Variants in SNAPC4 observed in about 807,000 individuals in gnomAD.
SNAPC4 encodes snRNA-activating protein complex subunit 4.
In SNAPC4, 127 loss-of-function variants were observed where a neutral mutation model predicts 151.3. That is an observed-to-expected ratio of 0.84 (90% CI 0.73 to 0.97). SNAPC4 has a LOEUF of 0.97. SNAPC4 is among the 50% of genes least tolerant of loss of function. SNAPC4 has a pLI of 0.00. For missense variants in SNAPC4, 2,186 were observed against 1,935.0 expected, an observed-to-expected ratio of 1.13 and a Z score of -2.43; for synonymous variants, 1,002 against 824.4, an observed-to-expected ratio of 1.22 and a Z score of -3.69.
rs200345095 is a variant in SNAPC4, at chr9:136,377,785, G to C, written c.4042C>G (p.Leu1348Val). 1.4e-5 allele frequency: 22 copies of C among 1,611,960 alleles called. No homozygotes were observed. The East Asian group carries it at 4.9e-4, about 36-fold the overall frequency. Residue 1348 changes from leucine (L) to valine (V), a missense_variant, in exon 22 of 24, where the codon CTG (leucine) becomes GTG (valine). By Grantham distance (32) the Leu-to-Val change is conservative (BLOSUM62 1). Transcript: ENST00000684778. ...ERPAGALQAS[L>V]GLVRGQLQDN... ...TGGAGCTGCCCCCGCACCAGCCCCA[G>C]TGAGGCTTGCAGTGCTCCGGCCGGC...
chr9:136,380,024 C>T (rs981190849), intron 20 of SNAPC4, among the ~76,000 whole-genome samples, 160 bp from the exon 21 acceptor site: 1 of 152,202 alleles, frequency 6.6e-6, no homozygotes, highest in African/African-American at 2.4e-5. Context: ...ACTCCGGGGC[C>T]ACAGAAGGAG....
rs1384133222 is a variant in SNAPC4, at chr9:136,377,826, C to A, written c.4001G>T (p.Gly1334Val). 1.3e-5 allele frequency: 21 copies of A among 1,611,546 alleles called. No individual in the cohort carries two copies. The highest frequency in any genetic ancestry group is 2.2e-5 in the South Asian group (2 of 91,078). Reference protein sequence around the residue: ...LEHKATSLVVGGEAERPAGAL... With the variant: ...LEHKATSLVVVGEAERPAGAL... ...TCCGGCCGGCCGCTCAGCCTCGCCC[C>A]CCACCACCAGGGAGGTGGCCTTGTG... Residue 1334 changes from glycine (G) to valine (V), a missense_variant, in exon 22 of 24, where the codon GGG becomes GTG. Transcript: ENST00000684778.
In SNAPC4 at chr9:136,393,246, G is replaced by A. The variant is rs538840156; in HGVS notation, c.633-469C>T. Among the ~76,000 whole-genome samples the A allele has an allele frequency of 7.2e-5, 11 of 152,310 alleles. No individual in the cohort carries two copies. In the South Asian group the frequency reaches 2.1e-3, roughly 29 times the overall value. ...CGTCATCACTGCAAACCCTGACCAT[G>A]CACATCAGGCCACGGGGGGCAGGCG... On this transcript the variant is annotated intron_variant, in intron 7 of 23. Transcript: ENST00000684778.
chr9:136,380,928 T>C (rs755631997), intron 19 of SNAPC4, 78 bp from the exon 20 acceptor site: 46 of 844,960 alleles, frequency 5.4e-5, no homozygotes, highest in Non-Finnish European at 8.5e-5. Flanking sequence ...AGGCAGAACC[T>C]GGGGCAGCCC....
chr9:136,382,563 C>A (rs1398260337), intron 16 of SNAPC4, among the ~76,000 whole-genome samples: 1 of 152,220 alleles, frequency 6.6e-6, no homozygotes, highest in Non-Finnish European at 1.5e-5. Context: ...CCCATGCCCC[C>A]CAGCCAGTTC....
chr9:136,399,812 C>G (rs1486766549), intron 1 of SNAPC4, among the ~76,000 whole-genome samples: 1 of 152,236 alleles, frequency 6.6e-6, no homozygotes. Context: ...GGGAAACCCC[C>G]TCCGAGGCTC....
chr9:136,380,829 C>A lies in SNAPC4; in HGVS notation c.2410G>T (p.Gly804Cys). 1 of 1,609,968 alleles carries A rather than the reference C, an allele frequency of 6.2e-7. No homozygotes were observed. The highest frequency in any genetic ancestry group is 8.5e-7 in the Non-Finnish European group (1 of 1,177,252). Reference protein sequence around the residue: ...FTQLFHIDTAGCLEVVRERKA... With the variant: ...FTQLFHIDTACCLEVVRERKA... ...CTCTCTCGGACGACCTCCAAGCAGC[C>A]GGCAGTATCGATGTGGAACAGCTGC... The change falls in exon 20 of 24, where the codon GGC (glycine) becomes TGC (cysteine). Residue 804 changes from glycine to cysteine, a missense_variant. Coordinates refer to ENST00000684778, the MANE Select transcript of SNAPC4 (RefSeq NM_003086.4).
Position 136,392,118 on chromosome 9 carries a change from G to T in SNAPC4, c.811-12C>A. 1.9e-6 allele frequency: 3 copies of T among 1,610,984 alleles called. No individual in the cohort carries two copies. On this transcript the variant is annotated splice_polypyrimidine_tract_variant and intron_variant, in intron 9 of 23. Transcript: ENST00000684778. ...CGGCTGCCTTCAAACTGCACCGACA[G>T]AGACACTCAGCCTTGCAGGCCACTG...
At chr9:136,395,128 CGCAGA>C (rs1469725201) in intron 5 of SNAPC4, among the ~76,000 whole-genome samples, 165 bp downstream of exon 5, 1 of 152,248 alleles carries the variant, frequency 6.6e-6, no homozygotes, top group Non-Finnish European at 1.5e-5. Flanking sequence ...GGCAGCCCAG[CGCAGA>C]GCAGAGGGCA....
Position 136,387,640 on chromosome 9 carries a change from C to A in SNAPC4, c.1231-61G>T. On this transcript the variant is annotated intron_variant, in intron 12 of 23. Transcript: ENST00000684778. ...GCAGGTACGGCTGCAGCCTCCCCACCCTGAACCCAGTCAGAGAAGGGACCA... is the reference window on the plus strand; with the variant it reads ...GCAGGTACGGCTGCAGCCTCCCCACACTGAACCCAGTCAGAGAAGGGACCA... The A allele has an allele frequency of 2.1e-6, 3 of 1,436,192 alleles. No homozygotes were observed. In the South Asian group the frequency reaches 3.4e-5, roughly 16 times the overall value. 89.0% of individuals were successfully genotyped at this position (1,436,192 alleles called of 1,614,324 possible).
chr9:136,381,429 G>T, intron 18 of SNAPC4, 37 bp from the exon 19 acceptor site: 1 of 1,553,334 alleles, frequency 6.4e-7, no homozygotes, highest in Non-Finnish European at 8.9e-7. Context: ...AGCAGCCCCA[G>T]CTCCCATGGG....
chr9:136,376,538 G>A (rs1370597467), intron 22 of SNAPC4, 57 bp from the exon 23 acceptor site: 135 of 1,601,312 alleles, frequency 8.4e-5, no homozygotes, highest in Non-Finnish European at 1.1e-4. Context: ...CATGATGGAC[G>A]GGGAAGGGAC....
At position 136,397,023 on chromosome 9, in the gene SNAPC4, T is replaced by G. The variant is rs753000285; in HGVS notation, c.131A>C (p.Asp44Ala). ...ESSLESDSEADSLPSEDLDPA... is the reference protein window; with the variant it reads ...ESSLESDSEAASLPSEDLDPA... ...ATCCAAGTCCTCAGAAGGCAGTGAA[T>G]CTGTCAGAAACACAAGCAACACCGT... Residue 44 changes from aspartate (D) to alanine (A), a missense_variant and splice_region_variant, in exon 3 of 24, where the codon GAT becomes GCT. Transcript: ENST00000684778. 3 of 1,612,748 alleles carry G rather than the reference T, an allele frequency of 1.9e-6. No homozygotes were observed. Among genetic ancestry groups the G allele is most frequent in the Non-Finnish European group, 2.5e-6 (3 of 1,179,808 alleles).
rs368299525 is a variant in SNAPC4, at chr9:136,376,484, G to A, written c.4285-3C>T. The A allele has an allele frequency of 9.9e-6, 16 of 1,612,850 alleles. No individual in the cohort carries two copies. In the African/African-American group the frequency reaches 1.6e-4, roughly 16 times the overall value. ...CATTTACCAGAGTCTGGGGCTCCCTGAAAGAAAATCCAGGCAGTGGGGACA... is the reference window on the plus strand; with the variant it reads ...CATTTACCAGAGTCTGGGGCTCCCTAAAAGAAAATCCAGGCAGTGGGGACA... On this transcript the variant is annotated splice_polypyrimidine_tract_variant and splice_region_variant and intron_variant, in intron 22 of 23. Transcript: ENST00000684778.
chr9:136,379,770 G>A, intron 21 of SNAPC4, 67 bp downstream of exon 21: 1 of 1,478,508 alleles, frequency 6.8e-7, no homozygotes, highest in Middle Eastern at 1.7e-4. Flanking sequence ...CCAGGGCCAG[G>A]TTAGGCCTCT....
At position 136,388,490 on chromosome 9, in the gene SNAPC4, C is replaced by T. The variant is rs757010581; in HGVS notation, c.1077G>A (p.Gln359=). 9.3e-6 allele frequency: 15 copies of T among 1,613,826 alleles called. No individual in the cohort carries two copies. In the East Asian group the frequency reaches 2.4e-4, roughly 26 times the overall value. The change falls in exon 11 of 24, where the codon CAG becomes CAA. Residue 359 remains glutamine, a synonymous_variant. Transcript: ENST00000684778. The part of the protein sequence containing the change: ...WTEEEDRMLT[Q]LVQEMRVGSH... Reference sequence around the variant, plus strand: ...TGCCGACGCGCATCTCCTGCACCAGCTGCGTGAGCATGCGGTCCTCCTCCT... The same window carrying T: ...TGCCGACGCGCATCTCCTGCACCAGTTGCGTGAGCATGCGGTCCTCCTCCT...
Position 136,392,748 on chromosome 9 carries a change from T to C in SNAPC4, c.662A>G (p.Lys221Arg). 1.9e-6 allele frequency: 3 copies of C among 1,613,602 alleles called. No homozygotes were observed. The highest frequency in any genetic ancestry group is 1.7e-5 in the Admixed American group (1 of 60,028). Reference sequence around the variant, plus strand: ...TTGCCTCTCCAGCTCACTGGAGACTTTGCTCTGCTTCTGGTGCAAGTACTC... The same window carrying C: ...TTGCCTCTCCAGCTCACTGGAGACTCTGCTCTGCTTCTGGTGCAAGTACTC... ...KLEYLHQKQS[K>R]VSSELERQAL... Residue 221 changes from lysine (K) to arginine (R), a missense_variant, in exon 8 of 24, where the codon AAA (lysine) becomes AGA (arginine). Physicochemically the swap from Lys to Arg is conservative, Grantham distance 26 (BLOSUM62 2). Transcript: ENST00000684778.
At chr9:136,384,554 C>T (rs1036484978) in intron 14 of SNAPC4, among the ~76,000 whole-genome samples, 166 bp downstream of exon 14, 3 of 152,108 alleles carry the variant, frequency 2.0e-5, no homozygotes, top group East Asian at 1.9e-4. Flanking sequence ...GAGGCTGGGG[C>T]GGGAGGATGG....
At chr9:136,389,827 G>A (rs762200193) in intron 10 of SNAPC4, among the ~76,000 whole-genome samples, 2 of 152,182 alleles carry the variant, frequency 1.3e-5, no homozygotes, top group African/African-American at 2.4e-5. Context: ...CTGGAGGGTG[G>A]CTGGAGTGAA....
Sources: gnomAD v4.1 joint callset for allele counts (sites outside exome capture counted in the v4.1 genomes callset) on GRCh38, gnomAD v4.1.1 for gene constraint, MANE v1.5 for transcripts, NCBI Gene and HGNC (gene_info 2026-07-23, HGNC 2026-07-21) for gene names.